The following STX16 variants were observed in gnomAD, a reference collection of about 807,000 sequenced individuals.
The protein encoded by STX16 is syntaxin 16.
In STX16, 28 loss-of-function variants were observed where a neutral mutation model predicts 42.7. The ratio of observed to expected loss-of-function variants is 0.66; its 90% CI spans 0.49 to 0.90. The LOEUF is 0.90. Ranked by LOEUF, STX16 falls within the 40% of genes least tolerant of loss-of-function variation. STX16 has a pLI of 0.00. For synonymous variants in STX16, 156 were observed against 155.2 expected, an observed-to-expected ratio of 1.00 and a Z score of -0.04; for missense variants, 361 against 420.9, an observed-to-expected ratio of 0.86 and a Z score of 1.24.
intron 2 of STX16, among the ~76,000 whole-genome samples, chr20:58,662,398 C>T (rs141069783): frequency 6.6e-6 from 1 of 152,202 alleles, no homozygotes; most frequent in Non-Finnish European, 1.5e-5. Flanking sequence ...CCTCCTTTTT[C>T]TTCCCCTCAG....
intron 8 of STX16, 54 bp downstream of exon 8, chr20:58,673,765 G>C: frequency 5.4e-6 from 7 of 1,303,076 alleles, no homozygotes; most frequent in South Asian, 1.2e-5. Flanking sequence ...AAATAATCAA[G>C]AATTGGTAAG....
intron 2 of STX16, among the ~76,000 whole-genome samples, chr20:58,660,213 G>C (rs1435872299): frequency 2.0e-5 from 3 of 152,184 alleles, no homozygotes; most frequent in Non-Finnish European, 4.4e-5. Flanking sequence ...AAGGTGGAGA[G>C]AATATATATT....
At chr20:58,674,391 C>A (rs919068298) in intron 8 of STX16, among the ~76,000 whole-genome samples, 1 of 152,088 alleles carries the variant, frequency 6.6e-6, no homozygotes, top group Non-Finnish European at 1.5e-5. Context: ...TAATTGGTTA[C>A]GTATTTTCTT....
intron 1 of STX16, among the ~76,000 whole-genome samples, chr20:58,655,912 AAC>A (rs2083575299): frequency 6.6e-6 from 1 of 152,224 alleles, no homozygotes; most frequent in South Asian, 2.1e-4. Context: ...ATTGTAAAAA[AAC>A]AGACAGGTTT....
Position 58,652,156 on chromosome 20 carries a change from C to T in STX16, c.132+18C>T, listed in dbSNP as rs1294761511. 1.9e-6 allele frequency: 3 copies of T among 1,612,706 alleles called. No individual in the cohort carries two copies. Among genetic ancestry groups the T allele is most frequent in the Non-Finnish European group, 2.5e-6 (3 of 1,179,878 alleles). The stretch of plus-strand genomic sequence containing the variant: ...TTGCTGCGGTGAGTCTCCTGGCGGC[C>T]TCTCCGACACACGGACCGTGTGCAC... On this transcript the variant is annotated intron_variant, in intron 1 of 8. Transcript: ENST00000371141.
chr20:58,677,327 A>G lies in STX16; in HGVS notation c.*1036A>G, dbSNP rs2084153912. On this transcript the variant is annotated 3_prime_UTR_variant, in exon 9 of 9. Transcript: ENST00000371141. The stretch of plus-strand genomic sequence containing the variant: ...AAACATCACTCCATTTCAAAGTAAA[A>G]TATTCCACCAGCGATTTGATTTATT... 2 of 152,646 alleles carry G rather than the reference A, an allele frequency of 1.3e-5. No individual in the cohort carries two copies. Among genetic ancestry groups the G allele is most frequent in the African/African-American group, 4.8e-5 (2 of 41,444 alleles). The allele number at this position is 152,646 out of a possible 1,614,324, so 9.5% of individuals were successfully genotyped here.
At chr20:58,656,558 C>T (rs892421263) in intron 1 of STX16, among the ~76,000 whole-genome samples, 2 of 152,170 alleles carry the variant, frequency 1.3e-5, no homozygotes, top group African/African-American at 2.4e-5. Flanking sequence ...TGGTTTCCTT[C>T]GATCTCCGGG....
chr20:58,669,812 A>T (rs896287845), intron 5 of STX16, among the ~76,000 whole-genome samples: 2 of 152,244 alleles, frequency 1.3e-5, no homozygotes, highest in African/African-American at 4.8e-5. Context: ...ATAGGTAAAA[A>T]GCAGTTGTTA....
chr20:58,669,165 C>T, intron 4 of STX16, 126 bp from the exon 5 acceptor site: 5 of 974,816 alleles, frequency 5.1e-6, no homozygotes, highest in Non-Finnish European at 7.4e-6. Context: ...TTTATCTGTT[C>T]ACCTTTCTCT....
In STX16 at chr20:58,670,478, A is replaced by G. The variant is rs1046847969; in HGVS notation, c.557-34A>G. 7.2e-5 allele frequency: 110 copies of G among 1,525,276 alleles called. 1 individual carries two copies. The highest frequency in any genetic ancestry group is 8.7e-5 in the Non-Finnish European group (96 of 1,099,550). 94.5% of individuals were successfully genotyped at this position (1,525,276 alleles called of 1,614,324 possible). Reference sequence around the variant, plus strand: ...TAGAACAATACTCAGGATGGTTTACATATTCAAGTAAAATGAATTCCTATC... The same window carrying G: ...TAGAACAATACTCAGGATGGTTTACGTATTCAAGTAAAATGAATTCCTATC... On this transcript the variant is annotated intron_variant, in intron 5 of 8. Transcript: ENST00000371141.
chr20:58,659,703 T>G (rs1601003434), intron 2 of STX16, 69 bp downstream of exon 2: 1 of 1,536,056 alleles, frequency 6.5e-7, no homozygotes, highest in South Asian at 1.2e-5. Flanking sequence ...TTTCCTGAAG[T>G]CTTTGCTCAT....
intron 8 of STX16, among the ~76,000 whole-genome samples, 164 bp from the exon 9 acceptor site, chr20:58,676,023 A>G (rs1474364378): frequency 6.6e-6 from 1 of 152,134 alleles, no homozygotes; most frequent in Admixed American, 6.6e-5. Context: ...ACTCCTGGTG[A>G]TTGAATTCCG....
intron 2 of STX16, among the ~76,000 whole-genome samples, chr20:58,666,423 GTTTTTTTT>G (rs5842238): frequency 1.3e-5 from 1 of 79,730 alleles, no homozygotes; most frequent in African/African-American, 4.8e-5. Flanking sequence ...GTGTGTGTGT[GTTTTTTTT>G]TTTTTTTTTT....
At chr20:58,665,518 T>A (rs2083802534) in intron 2 of STX16, among the ~76,000 whole-genome samples, 1 of 152,170 alleles carries the variant, frequency 6.6e-6, no homozygotes, top group Admixed American at 6.5e-5. Context: ...GCGACTTAAC[T>A]TTTCTGAGTT....
intron 1 of STX16, among the ~76,000 whole-genome samples, chr20:58,658,859 A>T (rs981065472): frequency 5.9e-5 from 9 of 152,218 alleles, no homozygotes; most frequent in Non-Finnish European, 1.3e-4. Flanking sequence ...GAAAAAAATT[A>T]TTCTTACCTT....
chr20:58,672,974 T>C (rs1288829156), intron 7 of STX16, among the ~76,000 whole-genome samples: 1 of 152,222 alleles, frequency 6.6e-6, no homozygotes, highest in East Asian at 1.9e-4. Context: ...TGGTTCCCAG[T>C]GAACTGCTAT....
rs943799443 is a variant in STX16 at position 58,667,484 on chromosome 20, C to T, written c.145-6C>T. ...ATTTTTTTCATGTCCCTTTACTTTCCTGTAGCTTGCTGATGACCGTATGGC... is the reference window on the plus strand; with the variant it reads ...ATTTTTTTCATGTCCCTTTACTTTCTTGTAGCTTGCTGATGACCGTATGGC... On this transcript the variant is annotated splice_region_variant and splice_polypyrimidine_tract_variant and intron_variant, in intron 2 of 8. Transcript: ENST00000371141. 4 of 1,613,408 alleles carry T rather than the reference C, an allele frequency of 2.5e-6. No homozygotes were observed. The highest frequency in any genetic ancestry group is 1.1e-5 in the South Asian group (1 of 90,998).
chr20:58,668,903 T>C (rs1478714166), intron 4 of STX16, among the ~76,000 whole-genome samples: 6 of 152,222 alleles, frequency 3.9e-5, no homozygotes, highest in Admixed American at 2.0e-4. Context: ...CTCAAAGGAA[T>C]GCTCATTGGA....
At chr20:58,661,506 G>A (rs553747276) in intron 2 of STX16, among the ~76,000 whole-genome samples, 3 of 152,264 alleles carry the variant, frequency 2.0e-5, no homozygotes, top group South Asian at 2.1e-4. Flanking sequence ...CTGCCTCATC[G>A]TGGGTGCCCA....
Sources: allele counts gnomAD v4.1 joint callset (sites outside exome capture counted in the v4.1 genomes callset), GRCh38; gene constraint gnomAD v4.1.1; transcripts MANE v1.5; gene names NCBI Gene and HGNC (gene_info 2026-07-23, HGNC 2026-07-21).